The following MAGI1 variants were observed in gnomAD, a reference collection of about 807,000 sequenced individuals.
MAGI1 encodes membrane associated guanylate kinase, WW and PDZ domain containing 1.
A neutral mutation model predicts 139.9 loss-of-function variants in MAGI1; 58 were observed. The ratio of observed to expected loss-of-function variants is 0.41; its 90% CI spans 0.34 to 0.52. The LOEUF is 0.52. MAGI1 is among the 20% of genes least tolerant of loss of function. MAGI1 has a pLI of 0.12. For synonymous variants in MAGI1, 812 were observed against 737.9 expected, an observed-to-expected ratio of 1.10 and a Z score of -1.63; for missense variants, 1,874 against 1,901.6, an observed-to-expected ratio of 0.99 and a Z score of 0.27.
chr3:65,913,190 G>A (rs1417731232), intron 1 of MAGI1, among the ~76,000 whole-genome samples: 3 of 152,152 alleles, frequency 2.0e-5, no homozygotes, highest in African/African-American at 7.2e-5. Context: ...GTTGAACCCA[G>A]GAGGCAGAGG....
chr3:65,753,402 G>C (rs781537908), intron 1 of MAGI1, among the ~76,000 whole-genome samples: 3 of 152,090 alleles, frequency 2.0e-5, no homozygotes, highest in Non-Finnish European at 2.9e-5. Context: ...ACTGAGTATG[G>C]TTATTATCTC....
At chr3:65,626,515 G>T (rs2083979191) in intron 1 of MAGI1, among the ~76,000 whole-genome samples, 1 of 152,032 alleles carries the variant, frequency 6.6e-6, no homozygotes, top group Non-Finnish European at 1.5e-5. Context: ...GTAGATACAG[G>T]TTCTCACTAT....
intron 1 of MAGI1, among the ~76,000 whole-genome samples, chr3:65,923,224 A>G (rs1011029523): frequency 7.8e-5 from 8 of 102,672 alleles, no homozygotes; most frequent in African/African-American, 3.2e-4. Context: ...TTCAACAGAC[A>G]TCTTTTTTTT....
chr3:65,964,626 T>C (rs1247366133), intron 1 of MAGI1, among the ~76,000 whole-genome samples: 1 of 152,214 alleles, frequency 6.6e-6, no homozygotes, highest in Non-Finnish European at 1.5e-5. Flanking sequence ...GGTTCTCTTT[T>C]CAAGGCAGGG....
At chr3:65,911,712 T>C (rs984220045) in intron 1 of MAGI1, among the ~76,000 whole-genome samples, 26 of 152,246 alleles carry the variant, frequency 1.7e-4, no homozygotes, top group African/African-American at 6.3e-4. Flanking sequence ...TATGTATTCT[T>C]ACTGTTTTCA....
At chr3:66,006,308 C>T (rs2067009086) in intron 1 of MAGI1, among the ~76,000 whole-genome samples, 1 of 152,108 alleles carries the variant, frequency 6.6e-6, no homozygotes, top group South Asian at 2.1e-4. Context: ...TTGGATACGA[C>T]AAAAAATGAA....
chr3:65,454,439 A>G lies in MAGI1; in HGVS notation c.960-1099T>C, dbSNP rs570883596. ...GAGATATTCCTAATGCTAGATGACAAGTTAGTGGGTGCAGCGCACCAGCAT... is the reference window on the plus strand; with the variant it reads ...GAGATATTCCTAATGCTAGATGACAGGTTAGTGGGTGCAGCGCACCAGCAT... On this transcript the variant is annotated intron_variant, in intron 5 of 22. Coordinates refer to ENST00000402939, the MANE Select transcript of MAGI1 (RefSeq NM_001033057.2). 4.6e-5 allele frequency among the ~76,000 whole-genome samples: 7 copies of G among 151,486 alleles called. No homozygotes were observed. In the East Asian group the frequency reaches 1.4e-3, roughly 29 times the overall value.
At chr3:65,359,836 T>C in intron 22 of MAGI1, 1 of 985,556 alleles carries the variant, frequency 1.0e-6, no homozygotes, top group Non-Finnish European at 1.2e-6. Flanking sequence ...TTTGAGAAGG[T>C]ACACAGGTTA....
chr3:65,942,764 T>TC, intron 1 of MAGI1, among the ~76,000 whole-genome samples: 1 of 152,270 alleles, frequency 6.6e-6, no homozygotes, highest in African/African-American at 2.4e-5. Flanking sequence ...ACCCCTATAA[T>TC]CCCTACACTT....
At chr3:65,825,791 C>T (rs917199324) in intron 1 of MAGI1, among the ~76,000 whole-genome samples, 14 of 152,098 alleles carry the variant, frequency 9.2e-5, no homozygotes, top group Admixed American at 6.5e-4. Context: ...AATTCGGGAC[C>T]AGCCTGGCCA....
intron 1 of MAGI1, among the ~76,000 whole-genome samples, chr3:65,677,104 A>C (rs2107494520): frequency 6.6e-6 from 1 of 152,334 alleles, no homozygotes; most frequent in Non-Finnish European, 1.5e-5. Flanking sequence ...GGGTAGTTTA[A>C]GATTAGGAGA....
At chr3:65,655,012 T>A (rs1356741580) in intron 1 of MAGI1, among the ~76,000 whole-genome samples, 1 of 152,186 alleles carries the variant, frequency 6.6e-6, no homozygotes, top group Admixed American at 6.5e-5. Flanking sequence ...TTATTTTATA[T>A]CAATTTCAAA....
chr3:65,375,686 G>T, intron 18 of MAGI1, 59 bp downstream of exon 18: 1 of 1,347,300 alleles, frequency 7.4e-7, no homozygotes, highest in Non-Finnish European at 1.1e-6. Context: ...AAAAGGAAAA[G>T]ACAGAGACAG....
At chr3:65,494,334 C>T (rs528985393) in intron 2 of MAGI1, among the ~76,000 whole-genome samples, 22 of 152,304 alleles carry the variant, frequency 1.4e-4, no homozygotes, top group African/African-American at 5.3e-4. Context: ...GTAACGCTTC[C>T]TCTTATGAAA....
intron 1 of MAGI1, among the ~76,000 whole-genome samples, chr3:65,797,591 C>T (rs1312213393): frequency 6.6e-6 from 1 of 152,072 alleles, no homozygotes; most frequent in Non-Finnish European, 1.5e-5. Flanking sequence ...TGGCAAAGGC[C>T]TGTAATCCCA....
intron 1 of MAGI1, among the ~76,000 whole-genome samples, chr3:65,805,589 T>C (rs533157516): frequency 1.3e-5 from 2 of 152,308 alleles, no homozygotes; most frequent in Admixed American, 1.3e-4. Flanking sequence ...CATTACTGGG[T>C]ATATACCCAG....
intron 1 of MAGI1, among the ~76,000 whole-genome samples, chr3:66,035,842 A>C (rs2068887667): frequency 6.6e-6 from 1 of 152,118 alleles, no homozygotes; most frequent in South Asian, 2.1e-4. Context: ...AACCCACTTG[A>C]TTATCTCACC....
chr3:65,517,994 A>T (rs1028123941), intron 2 of MAGI1, among the ~76,000 whole-genome samples: 3 of 152,306 alleles, frequency 2.0e-5, no homozygotes, highest in African/African-American at 7.2e-5. Context: ...AAATTTAGAA[A>T]ATAATCTTTC....
At chr3:66,018,990 C>T (rs967783671) in intron 1 of MAGI1, among the ~76,000 whole-genome samples, 1 of 152,182 alleles carries the variant, frequency 6.6e-6, no homozygotes, top group African/African-American at 2.4e-5. Flanking sequence ...AAGAAGGATG[C>T]CATCTTGATT....
Sources: allele counts gnomAD v4.1 joint callset (sites outside exome capture counted in the v4.1 genomes callset), GRCh38; gene constraint gnomAD v4.1.1; transcripts MANE v1.5; gene names NCBI Gene and HGNC (gene_info 2026-07-23, HGNC 2026-07-21).